DENND1B: variants seen among roughly 807,000 people sequenced by gnomAD.
DENND1B encodes DENN domain-containing protein 1B.
DENND1B carries 59 observed loss-of-function variants against 90.1 expected under a neutral mutation model. The ratio of observed to expected loss-of-function variants is 0.65; its 90% CI spans 0.53 to 0.81. DENND1B has a LOEUF of 0.81. Ranked by LOEUF, DENND1B falls within the 40% of genes least tolerant of loss-of-function variation. The pLI is 0.00. For missense variants in DENND1B, 862 were observed against 912.6 expected (o/e 0.94, Z 0.71); for synonymous variants, 337 against 324.6 (o/e 1.04, Z -0.41).
chr1:197,610,460 A>AC (rs1677081157), intron 12 of DENND1B, among the ~76,000 whole-genome samples: 1 of 150,408 alleles, frequency 6.6e-6, no homozygotes, highest in African/African-American at 2.4e-5. Context: ...TTATGCAAAA[A>AC]AAAAATTAAC....
intron 2 of DENND1B, among the ~76,000 whole-genome samples, chr1:197,740,613 A>G (rs1050576797): frequency 6.6e-6 from 1 of 152,208 alleles, no homozygotes; most frequent in Non-Finnish European, 1.5e-5. Flanking sequence ...TTGAAGAACT[A>G]AACAATAATA....
intron 15 of DENND1B, among the ~76,000 whole-genome samples, chr1:197,564,330 A>G (rs1386990231): frequency 7.4e-6 from 1 of 134,318 alleles, no homozygotes; most frequent in East Asian, 2.3e-4. Flanking sequence ...AACCACCCCA[A>G]CCTTCTACAG....
chr1:197,537,126 T>C (rs776051592), intron 20 of DENND1B, among the ~76,000 whole-genome samples: 19 of 151,850 alleles, frequency 1.3e-4, no homozygotes, highest in Admixed American at 1.2e-3. Flanking sequence ...CAAAGAAACA[T>C]ACATACTGGG....
chr1:197,606,542 T>C (rs1164792728), intron 13 of DENND1B: 1 of 151,214 alleles, frequency 6.6e-6, no homozygotes, highest in Non-Finnish European at 1.5e-5. Flanking sequence ...AGAAAACAAA[T>C]AAATGTTTCA....
At chr1:197,544,628 T>C (rs1208418862) in intron 18 of DENND1B, among the ~76,000 whole-genome samples, 1 of 151,822 alleles carries the variant, frequency 6.6e-6, no homozygotes, top group Non-Finnish European at 1.5e-5. Flanking sequence ...AAGAATTGTC[T>C]TGGGCCACAC....
Position 197,775,169 on chromosome 1 carries a change from T to C in DENND1B, c.-14A>G. ...CCTGCAGTCCATGGTTACATGTCGGTGTGGGGCTGTCCGTCCGGCCCCCGC... is the reference window on the plus strand; with the variant it reads ...CCTGCAGTCCATGGTTACATGTCGGCGTGGGGCTGTCCGTCCGGCCCCCGC... On this transcript the variant is annotated 5_prime_UTR_variant, in exon 1 of 23. Coordinates refer to ENST00000620048, the MANE Select transcript of DENND1B (RefSeq NM_001195215.2). 7.8e-7 allele frequency: 1 copy of C among 1,288,530 alleles called. No homozygotes were observed. The highest frequency in any genetic ancestry group is 9.9e-7 in the Non-Finnish European group (1 of 1,011,242). 79.8% of individuals were successfully genotyped at this position (1,288,530 alleles called of 1,614,324 possible). A position where few individuals can be genotyped will look rare whatever the true frequency, so the allele number is the denominator to read the frequency against.
chr1:197,599,922 A>G (rs1426846327), intron 13 of DENND1B, among the ~76,000 whole-genome samples: 1 of 151,902 alleles, frequency 6.6e-6, no homozygotes, highest in Admixed American at 6.6e-5. Context: ...CACATCTTTT[A>G]TGATCGCCCC....
chr1:197,734,349 T>C, intron 2 of DENND1B: 1 of 967,588 alleles, frequency 1.0e-6, no homozygotes, highest in Non-Finnish European at 1.2e-6. Flanking sequence ...TTCTCTCAAG[T>C]ATATTAAGTT....
intron 15 of DENND1B, among the ~76,000 whole-genome samples, chr1:197,575,296 A>G (rs985897079): frequency 6.6e-6 from 1 of 152,040 alleles, no homozygotes; most frequent in African/African-American, 2.4e-5. Flanking sequence ...ACGCTTCTCA[A>G]AAGACATTTA....
chr1:197,569,872 T>C (rs1338624995), intron 15 of DENND1B, among the ~76,000 whole-genome samples: 2 of 152,136 alleles, frequency 1.3e-5, no homozygotes, highest in Non-Finnish European at 2.9e-5. Context: ...AACTATAATG[T>C]ATAGTTAGTA....
At chr1:197,562,860 A>G (rs1333474789) in intron 15 of DENND1B, among the ~76,000 whole-genome samples, 1 of 151,992 alleles carries the variant, frequency 6.6e-6, no homozygotes, top group African/African-American at 2.4e-5. Context: ...TGCAGTGCCC[A>G]CACGAATGAC....
intron 7 of DENND1B, among the ~76,000 whole-genome samples, chr1:197,649,270 T>C (rs1416859161): frequency 6.6e-6 from 1 of 152,172 alleles, no homozygotes; most frequent in Non-Finnish European, 1.5e-5. Context: ...ACAAATTCTA[T>C]AGAAAATGGG....
intron 3 of DENND1B, among the ~76,000 whole-genome samples, chr1:197,691,393 A>G (rs1657863422): frequency 6.6e-6 from 1 of 152,058 alleles, no homozygotes; most frequent in Admixed American, 6.6e-5. Flanking sequence ...GGAAATGCAA[A>G]TCACAGTTGG....
intron 2 of DENND1B, among the ~76,000 whole-genome samples, chr1:197,722,957 C>G (rs1661317169): frequency 6.6e-6 from 1 of 152,084 alleles, no homozygotes; most frequent in Admixed American, 6.5e-5. Flanking sequence ...CCTGGAAAAT[C>G]AAACTAGCAC....
chr1:197,576,684 C>T (rs1317244566), intron 15 of DENND1B, among the ~76,000 whole-genome samples: 1 of 152,020 alleles, frequency 6.6e-6, no homozygotes, highest in Non-Finnish European at 1.5e-5. Context: ...ACAGCCACCC[C>T]CTTATACTCT....
chr1:197,507,377 T>C lies in DENND1B; in HGVS notation c.*3083A>G, dbSNP rs1265895901. On this transcript the variant is annotated 3_prime_UTR_variant, in exon 23 of 23. Transcript: ENST00000620048. ...ATTAACTGAAAAAATAATCATGCTA[T>C]GTTTTGGTGCTTTTCTAAGACACAT... The C allele has an allele frequency of 6.6e-6, 1 of 151,310 alleles. No individual in the cohort carries two copies. Among genetic ancestry groups the C allele is most frequent in the Non-Finnish European group, 1.5e-5 (1 of 67,560 alleles). The allele number at this position is 151,310 out of a possible 1,614,324, so 9.4% of individuals were successfully genotyped here.
At chr1:197,606,036 T>C (rs1252620649) in intron 13 of DENND1B, 6 of 151,160 alleles carry the variant, frequency 4.0e-5, no homozygotes, top group Non-Finnish European at 8.9e-5. Flanking sequence ...TCCCAAATTT[T>C]AATATCCATA....
chr1:197,651,368 A>C (rs1016791208), intron 7 of DENND1B, among the ~76,000 whole-genome samples: 1 of 152,136 alleles, frequency 6.6e-6, no homozygotes, highest in Non-Finnish European at 1.5e-5. Flanking sequence ...CTTCGTTAAA[A>C]GTTTCAATAG....
At chr1:197,668,387 G>A (rs1303446326) in intron 5 of DENND1B, among the ~76,000 whole-genome samples, 3 of 151,650 alleles carry the variant, frequency 2.0e-5, no homozygotes, top group Non-Finnish European at 4.4e-5. Flanking sequence ...TGGGAAAGAA[G>A]GGAAGGGGTA....
Sources: allele counts gnomAD v4.1 joint callset (sites outside exome capture counted in the v4.1 genomes callset), GRCh38; gene constraint gnomAD v4.1.1; transcripts MANE v1.5; gene names NCBI Gene and HGNC (gene_info 2026-07-23, HGNC 2026-07-21).